The following USH2A variants were observed in gnomAD, a reference collection of about 807,000 sequenced individuals.
The protein encoded by USH2A is Usher syndrome 2A (autosomal recessive, mild).
Under a neutral mutation model 538.9 loss-of-function variants are expected in USH2A, and 443 were observed. The observed-to-expected ratio is 0.82, with a 90% confidence interval of 0.76 to 0.89. USH2A has a LOEUF of 0.89. USH2A is among the 40% of genes least tolerant of loss of function. The probability of loss-of-function intolerance (pLI) is 0.00; values close to 1 mark genes in which losing one functional copy is unlikely to be tolerated. For synonymous variants in USH2A, 2,413 were observed against 2,273.5 expected (o/e 1.06, Z -1.75); for missense variants, 6,633 against 6,324.8 (o/e 1.05, Z -1.65).
At chr1:215,849,843 T>G in intron 44 of USH2A, among the ~76,000 whole-genome samples, 1 of 152,178 alleles carries the variant, frequency 6.6e-6, no homozygotes, top group East Asian at 1.9e-4. Flanking sequence ...TCCAAGAATT[T>G]TATACACATT....
At chr1:215,838,233 CA>C in intron 46 of USH2A, 130 bp from the exon 47 acceptor site, 1 of 765,060 alleles carries the variant, frequency 1.3e-6, no homozygotes. Flanking sequence ...GAGGTTTAAT[CA>C]ATATTCATTT....
At chr1:215,985,488 G>T (rs1287242619) in intron 35 of USH2A, among the ~76,000 whole-genome samples, 3 of 152,056 alleles carry the variant, frequency 2.0e-5, no homozygotes, top group Admixed American at 2.0e-4. Context: ...TCTTGATTTT[G>T]AATAATTAAA....
intron 47 of USH2A, among the ~76,000 whole-genome samples, chr1:215,836,503 A>T (rs1276268490): frequency 3.9e-4 from 8 of 20,468 alleles, no homozygotes; most frequent in African/African-American, 1.6e-3. Context: ...TATATAATAT[A>T]TATTATATAT....
intron 21 of USH2A, among the ~76,000 whole-genome samples, chr1:216,128,947 T>C (rs1417581362): frequency 1.3e-5 from 2 of 152,072 alleles, no homozygotes; most frequent in African/African-American, 2.4e-5. Flanking sequence ...ATCATTATAC[T>C]CTCTGTCTCC....
intron 49 of USH2A, among the ~76,000 whole-genome samples, chr1:215,804,286 GA>G (rs1314717112): frequency 6.6e-6 from 1 of 151,906 alleles, no homozygotes; most frequent in Non-Finnish European, 1.5e-5. Flanking sequence ...TGACAAATGG[GA>G]TCTAATTAAA....
intron 49 of USH2A, among the ~76,000 whole-genome samples, chr1:215,812,261 C>T (rs1464626946): frequency 6.6e-6 from 1 of 152,072 alleles, no homozygotes. Flanking sequence ...GCTGGGATTA[C>T]AGGCATGAGC....
chr1:216,095,111 C>T (rs2032407730), intron 22 of USH2A, among the ~76,000 whole-genome samples: 1 of 152,096 alleles, frequency 6.6e-6, no homozygotes, highest in African/African-American at 2.4e-5. Context: ...TGAGTCTTTT[C>T]AATGGATTTA....
intron 67 of USH2A, among the ~76,000 whole-genome samples, chr1:215,641,610 T>C (rs1054277930): frequency 6.6e-6 from 1 of 152,210 alleles, no homozygotes; most frequent in Non-Finnish European, 1.5e-5. Flanking sequence ...TGAGATCTTA[T>C]TTTCTACAAA....
Position 215,647,509 on chromosome 1 carries a change from C to A in USH2A, c.14791+13G>T, listed in dbSNP as rs767750571. On this transcript the variant is annotated intron_variant, in intron 67 of 71. Coordinates refer to ENST00000307340, the MANE Select transcript of USH2A (RefSeq NM_206933.4). ...AATCTCTCTGGCTTATGGTAGCAGCCACTTATACTCACATTCTTTTTGGGT... is the reference window on the plus strand; with the variant it reads ...AATCTCTCTGGCTTATGGTAGCAGCAACTTATACTCACATTCTTTTTGGGT... 3 of 1,613,338 alleles carry A rather than the reference C, an allele frequency of 1.9e-6. No homozygotes were observed. Among genetic ancestry groups the A allele is most frequent in the Admixed American group, 3.3e-5 (2 of 59,994 alleles).
intron 47 of USH2A, among the ~76,000 whole-genome samples, chr1:215,835,346 T>C (rs1663446817): frequency 6.6e-6 from 1 of 152,042 alleles, no homozygotes; most frequent in African/African-American, 2.4e-5. Flanking sequence ...TAGAAAACTA[T>C]GTTCAGTTTC....
intron 40 of USH2A, among the ~76,000 whole-genome samples, chr1:215,891,556 A>G (rs17025561): frequency 0.14 from 21,232 of 152,228 alleles, 1,635 homozygotes; most frequent in South Asian, 0.3. Flanking sequence ...TTGCTAATAC[A>G]ATAAAAAGCT....
At chr1:215,798,884 A>G in intron 50 of USH2A, 23 bp downstream of exon 50, 1 of 1,613,390 alleles carries the variant, frequency 6.2e-7, no homozygotes. Flanking sequence ...CCATCTACTG[A>G]AAGGTAGACC....
chr1:216,205,117 T>C (rs1326220383), intron 16 of USH2A, among the ~76,000 whole-genome samples: 1 of 152,186 alleles, frequency 6.6e-6, no homozygotes, highest in African/African-American at 2.4e-5. Flanking sequence ...TTGAATAATA[T>C]CATTGATAGT....
At chr1:215,707,820 A>C (rs1015407183) in intron 61 of USH2A, among the ~76,000 whole-genome samples, 1 of 152,208 alleles carries the variant, frequency 6.6e-6, no homozygotes, top group African/African-American at 2.4e-5. Context: ...AGAGAAATAC[A>C]TGGGAACCAA....
At chr1:216,336,297 A>G (rs1268046944) in intron 4 of USH2A, among the ~76,000 whole-genome samples, 2 of 151,376 alleles carry the variant, frequency 1.3e-5, no homozygotes, top group East Asian at 1.9e-4. Context: ...AACAGCTAAC[A>G]TCATATTTAG....
At chr1:216,283,388 C>A (rs1164584060) in intron 11 of USH2A, among the ~76,000 whole-genome samples, 3 of 152,180 alleles carry the variant, frequency 2.0e-5, no homozygotes, top group Non-Finnish European at 4.4e-5. Context: ...CCGCGCCCAG[C>A]CTGAATTTAT....
intron 35 of USH2A, among the ~76,000 whole-genome samples, chr1:215,981,955 A>G (rs1477925893): frequency 2.0e-5 from 3 of 152,228 alleles, no homozygotes; most frequent in South Asian, 2.1e-4. Context: ...GATAAATTGT[A>G]TGGCCAATTA....
At chr1:216,092,685 A>G (rs2032330839) in intron 22 of USH2A, among the ~76,000 whole-genome samples, 1 of 152,094 alleles carries the variant, frequency 6.6e-6, no homozygotes, top group South Asian at 2.1e-4. Context: ...AATTCATTGG[A>G]AGTAAGGAAG....
At chr1:215,961,433 C>T (rs570455179) in intron 37 of USH2A, among the ~76,000 whole-genome samples, 5 of 151,070 alleles carry the variant, frequency 3.3e-5, no homozygotes, top group South Asian at 4.2e-4. Context: ...CAGAAAAACC[C>T]GACAGTATAA....
Sources: allele counts gnomAD v4.1 joint callset (sites outside exome capture counted in the v4.1 genomes callset), GRCh38; gene constraint gnomAD v4.1.1; transcripts MANE v1.5; gene names NCBI Gene and HGNC (gene_info 2026-07-23, HGNC 2026-07-21).